The following LRP1B variants were observed in gnomAD, a reference collection of about 807,000 sequenced individuals.
LRP1B encodes low-density lipoprotein receptor-related protein 1B.
Under a neutral mutation model 556.6 loss-of-function variants are expected in LRP1B, and 217 were observed. The ratio of observed to expected loss-of-function variants is 0.39; its 90% CI spans 0.35 to 0.44. LRP1B has a LOEUF of 0.44. Among genes scored for constraint, LRP1B ranks in the 20% least tolerant of loss-of-function variants. The pLI is 1.00. For synonymous variants in LRP1B, 2,047 were observed against 1,865.8 expected (o/e 1.10, Z -2.50); for missense variants, 5,053 against 5,620.8 (o/e 0.90, Z 3.23).
At chr2:141,336,726 T>A (rs1257490549) in intron 3 of LRP1B, among the ~76,000 whole-genome samples, 1 of 152,020 alleles carries the variant, frequency 6.6e-6, no homozygotes, top group Non-Finnish European at 1.5e-5. Context: ...TTCTCCCTAA[T>A]CCTAATCACT....
At chr2:140,320,056 TTCTG>T (rs1415905105) in intron 82 of LRP1B, among the ~76,000 whole-genome samples, 1 of 152,214 alleles carries the variant, frequency 6.6e-6, no homozygotes, top group Non-Finnish European at 1.5e-5. Flanking sequence ...CAGACAGCTT[TTCTG>T]TCTTAGTGTC....
At chr2:141,272,209 A>G (rs1460954780) in intron 3 of LRP1B, among the ~76,000 whole-genome samples, 1 of 152,134 alleles carries the variant, frequency 6.6e-6, no homozygotes, top group Non-Finnish European at 1.5e-5. Flanking sequence ...AGAGTTATTT[A>G]TATATGAGTA....
intron 1 of LRP1B, among the ~76,000 whole-genome samples, chr2:142,122,184 C>T (rs1310125585): frequency 6.6e-6 from 1 of 151,970 alleles, no homozygotes; most frequent in South Asian, 2.1e-4. Flanking sequence ...AGGTAAAACC[C>T]TCATGCCCTT....
At position 141,247,298 on chromosome 2, in the gene LRP1B, C is replaced by T. The variant is rs774690866; in HGVS notation, c.520G>A (p.Gly174Arg). ...TCCACACAACTGCAAGTGTAGGATC[C>T]ATGTGTGTTTCTGCAGGTCTGGCTG... is the stretch of plus-strand genomic sequence containing the variant. ...TCSQTCRNTH[G>R]SYTCSCVEGY... Residue 174 changes from glycine to arginine, a missense_variant, in exon 5 of 91, where the codon GGA becomes AGA. Gly to Arg is a moderately radical substitution (Grantham distance 125, BLOSUM62 -2). Around this residue, in one of 5 missense-constraint regions of LRP1B, gnomAD observed 3,619 missense variants for 3,931.9 expected, o/e 0.92. Transcript: ENST00000389484. 6.2e-7 allele frequency: 1 copy of T among 1,613,792 alleles called. No homozygotes were observed.
At position 141,190,239 on chromosome 2, in the gene LRP1B, A is replaced by C. The variant is rs192512854; in HGVS notation, c.851-1656T>G. On this transcript the variant is annotated intron_variant, in intron 6 of 90. Coordinates refer to ENST00000389484, the MANE Select transcript of LRP1B (RefSeq NM_018557.3). Reference sequence around the variant, plus strand: ...GCCATCTGGTCTTTTTTGGAGTCGTATACTCTGTGGAACCCCAGTGAGTAT... The same window carrying C: ...GCCATCTGGTCTTTTTTGGAGTCGTCTACTCTGTGGAACCCCAGTGAGTAT... Among the ~76,000 whole-genome samples, 161 of 152,112 alleles carry C rather than the reference A, an allele frequency of 1.1e-3. 1 individual carries two copies. The highest frequency in any genetic ancestry group is 3.7e-3 in the African/African-American group (153 of 41,538).
In LRP1B at chr2:141,597,055, TACACAC is replaced by T. The variant is rs35647921; in HGVS notation, c.206-116528_206-116523del. ...CACAAACACATAAGTTCTGACATTTTACACACACACACACACACACACACACACATC... is the reference window on the plus strand; with the variant it reads ...CACAAACACATAAGTTCTGACATTTTACACACACACACACACACACACATC... On this transcript the variant is annotated intron_variant, in intron 2 of 90. Transcript: ENST00000389484. Among the ~76,000 whole-genome samples the T allele has an allele frequency of 8.3e-3, 1,218 of 147,352 alleles. 16 individuals carry two copies. Among genetic ancestry groups the T allele is most frequent in the African/African-American group, 0.028 (1,110 of 40,088 alleles).
At chr2:140,945,319 C>T (rs1695509759) in intron 20 of LRP1B, among the ~76,000 whole-genome samples, 3 of 152,102 alleles carry the variant, frequency 2.0e-5, no homozygotes, top group Admixed American at 2.0e-4. Context: ...CAACACCATT[C>T]CTATCAAAAC....
At chr2:141,167,220 TCAAA>T (rs1320825384) in intron 7 of LRP1B, 1 of 151,910 alleles carries the variant, frequency 6.6e-6, no homozygotes, top group Admixed American at 6.6e-5. Context: ...CATTTCACGC[TCAAA>T]CACACATAAA....
intron 35 of LRP1B, among the ~76,000 whole-genome samples, chr2:140,740,733 A>C (rs71417104): frequency 0.1 from 15,570 of 152,184 alleles, 887 homozygotes; most frequent in African/African-American, 0.15. Flanking sequence ...GGATTTAGCC[A>C]ACATTCTGAG....
chr2:141,733,353 T>C (rs1399497376), intron 2 of LRP1B, among the ~76,000 whole-genome samples: 2 of 152,114 alleles, frequency 1.3e-5, no homozygotes, highest in African/African-American at 4.8e-5. Flanking sequence ...ACCAATCCTG[T>C]AGACTTTCAT....
At chr2:141,010,286 G>C (rs1356582596) in intron 14 of LRP1B, among the ~76,000 whole-genome samples, 9 of 151,870 alleles carry the variant, frequency 5.9e-5, no homozygotes, top group Admixed American at 2.0e-4. Flanking sequence ...TTTATATGAG[G>C]AGGAGAAGAA....
chr2:140,267,689 G>A (rs1209354316), intron 86 of LRP1B, among the ~76,000 whole-genome samples: 1 of 151,796 alleles, frequency 6.6e-6, no homozygotes, highest in Non-Finnish European at 1.5e-5. Context: ...TGTGGAGTGT[G>A]GGGATATAGA....
rs1298159604 is a variant in LRP1B, at chr2:140,359,126, A to G, written c.11132-180T>C. On this transcript the variant is annotated intron_variant, in intron 72 of 90. Coordinates refer to ENST00000389484, the MANE Select transcript of LRP1B (RefSeq NM_018557.3). ...AAATATGTGATGATTCTAGTTATTAACTACAGAAAAATGTGCACAGCTGAG... is the reference window on the plus strand; with the variant it reads ...AAATATGTGATGATTCTAGTTATTAGCTACAGAAAAATGTGCACAGCTGAG... Among the ~76,000 whole-genome samples the G allele has an allele frequency of 1.3e-5, 2 of 151,690 alleles. 1 individual carries two copies. The highest frequency in any genetic ancestry group is 4.1e-4 in the South Asian group (2 of 4,820).
chr2:141,827,680 G>A (rs1414111304), intron 1 of LRP1B, among the ~76,000 whole-genome samples: 1 of 151,964 alleles, frequency 6.6e-6, no homozygotes, highest in Non-Finnish European at 1.5e-5. Context: ...AATTTCCACT[G>A]CATCAAAATT....
chr2:141,085,112 G>T (rs186277765), intron 7 of LRP1B, among the ~76,000 whole-genome samples: 32 of 138,762 alleles, frequency 2.3e-4, no homozygotes, highest in African/African-American at 7.8e-4. Flanking sequence ...AGAGAAGGTA[G>T]GGAGAGGTAA....
chr2:141,787,371 C>G (rs1409279252), intron 2 of LRP1B, among the ~76,000 whole-genome samples: 3 of 151,848 alleles, frequency 2.0e-5, no homozygotes, highest in Non-Finnish European at 4.4e-5. Flanking sequence ...TATCAGAAAA[C>G]TGTGATACAG....
At chr2:140,985,856 G>A (rs1315479614) in intron 17 of LRP1B, among the ~76,000 whole-genome samples, 1 of 140,578 alleles carries the variant, frequency 7.1e-6, no homozygotes, top group East Asian at 2.0e-4. Context: ...TTCTATATTT[G>A]TTACAGATTT....
intron 6 of LRP1B, among the ~76,000 whole-genome samples, chr2:141,221,334 G>C (rs1325421542): frequency 2.0e-5 from 3 of 149,490 alleles, no homozygotes; most frequent in Admixed American, 2.0e-4. Context: ...TAATGGGAAA[G>C]GGTTGAATTC....
chr2:141,796,865 C>G (rs1695830217), intron 2 of LRP1B, among the ~76,000 whole-genome samples: 1 of 151,344 alleles, frequency 6.6e-6, no homozygotes, highest in Admixed American at 6.6e-5. Flanking sequence ...GGTCTACTTT[C>G]CCTTTTGAAA....
Sources: allele counts gnomAD v4.1 joint callset (sites outside exome capture counted in the v4.1 genomes callset), GRCh38; gene constraint gnomAD v4.1.1; regional missense constraint gnomAD v4.1.1; transcripts MANE v1.5; gene names NCBI Gene and HGNC (gene_info 2026-07-23, HGNC 2026-07-21).